Variants in CCDC196 observed in about 807,000 individuals in gnomAD.
CCDC196 encodes the protein coiled-coil domain containing 196, also known as coiled-coil domain-containing protein 196.
intron 8 of CCDC196, among the ~76,000 whole-genome samples, chr14:66,497,211 G>T (rs2139618974): frequency 6.6e-6 from 1 of 152,260 alleles, no homozygotes; most frequent in Non-Finnish European, 1.5e-5. Context: ...GAATGTCAAA[G>T]TTAGGTTTAT....
At chr14:66,489,172 A>C in intron 4 of CCDC196, 135 bp downstream of exon 4, 1 of 407,932 alleles carries the variant, frequency 2.5e-6, no homozygotes, top group Non-Finnish European at 4.5e-6. Flanking sequence ...CATTCTCTAC[A>C]CAGCAGCCAA....
At chr14:66,491,542 G>A (rs1349029586) in intron 6 of CCDC196, 84 bp from the exon 7 acceptor site, 9 of 412,618 alleles carry the variant, frequency 2.2e-5, no homozygotes, top group African/African-American at 1.9e-4. Flanking sequence ...CTATAATTTT[G>A]CTATAAGGCT....
chr14:66,490,545 T>A (rs2139589806), intron 4 of CCDC196, among the ~76,000 whole-genome samples, 197 bp from the exon 5 acceptor site: 1 of 152,270 alleles, frequency 6.6e-6, no homozygotes, highest in African/African-American at 2.4e-5. Flanking sequence ...TAGTTTTCAT[T>A]CCTATAAGGT....
chr14:66,493,712 A>C (rs189459121), intron 8 of CCDC196: 1 of 152,318 alleles, frequency 6.6e-6, no homozygotes, highest in African/African-American at 2.4e-5. Context: ...GTAAGACTGA[A>C]CTGACTATCC....
At chr14:66,487,706 C>T (rs1032728328) in intron 2 of CCDC196, among the ~76,000 whole-genome samples, 2 of 152,108 alleles carry the variant, frequency 1.3e-5, no homozygotes, top group Admixed American at 6.6e-5. Flanking sequence ...CCAATAGACT[C>T]AAATGTCCTC....
At chr14:66,492,586 T>G (rs2057568405) in intron 8 of CCDC196, among the ~76,000 whole-genome samples, 1 of 152,038 alleles carries the variant, frequency 6.6e-6, no homozygotes, top group Non-Finnish European at 1.5e-5. Flanking sequence ...GTGATCCACC[T>G]GCCTTGGCCT....
chr14:66,494,091 T>A (rs1033432828), intron 8 of CCDC196: 1 of 152,242 alleles, frequency 6.6e-6, no homozygotes, highest in African/African-American at 2.4e-5. Flanking sequence ...CAGCCACAGA[T>A]CCACATCTTC....
intron 6 of CCDC196, among the ~76,000 whole-genome samples, 177 bp downstream of exon 6, chr14:66,491,281 T>A (rs1412694028): frequency 6.6e-6 from 1 of 152,170 alleles, no homozygotes; most frequent in African/African-American, 2.4e-5. Context: ...TTCTGGGAAA[T>A]CATATTACGA....
rs2057718090 is a variant in CCDC196, at chr14:66,498,483, C to T, written c.*11C>T. On this transcript the variant is annotated 3_prime_UTR_variant, in exon 10 of 10. Transcript: ENST00000636229. ...GCACTGAAGAATTAGCAGGCTTTCG[C>T]TCCATTTGCTTTGGACAGATTTAAA... 2.4e-6 allele frequency: 1 copy of T among 413,214 alleles called. No individual in the cohort carries two copies. Among genetic ancestry groups the T allele is most frequent in the Admixed American group, 4.4e-5 (1 of 22,722 alleles). 25.6% of individuals were successfully genotyped at this position (413,214 alleles called of 1,614,324 possible).
intron 8 of CCDC196, among the ~76,000 whole-genome samples, chr14:66,492,496 C>G (rs962563204): frequency 1.3e-5 from 2 of 152,050 alleles, no homozygotes; most frequent in African/African-American, 4.8e-5. Flanking sequence ...CACGCACCAC[C>G]ATGCCCAGCT....
chr14:66,493,844 A>C (rs909867787), intron 8 of CCDC196: 3 of 152,218 alleles, frequency 2.0e-5, no homozygotes, highest in Admixed American at 1.3e-4. Flanking sequence ...TAAGATACAA[A>C]TTTAAAAGAC....
rs766864207 is a variant in CCDC196 at position 66,486,658 on chromosome 14, A to T, written c.52A>T (p.Ser18Cys). 2.4e-6 allele frequency: 1 copy of T among 413,500 alleles called. No homozygotes were observed. The highest frequency in any genetic ancestry group is 4.4e-6 in the Non-Finnish European group (1 of 226,134). 25.6% of individuals were successfully genotyped at this position (413,500 alleles called of 1,614,324 possible). ...ATATTATTGTGCCTCTTCCCACAGA[A>T]GTTCTAAAATAGATGACAACTACTT... ...SGSYLPSEIR[S>C]SKIDDNYLKE... The change falls in exon 2 of 10, where the codon AGT (serine) becomes TGT (cysteine). Residue 18 changes from serine (S) to cysteine (C), a missense_variant and splice_region_variant. By Grantham distance (112) the Ser-to-Cys change is moderately radical. Coordinates refer to ENST00000636229, the MANE Select transcript of CCDC196 (RefSeq NM_001351576.1).
intron 8 of CCDC196, chr14:66,496,149 T>A: frequency 2.6e-6 from 1 of 377,886 alleles, no homozygotes; most frequent in East Asian, 7.3e-5. Context: ...AAGAATTGAA[T>A]TGCACAAACC....
intron 9 of CCDC196, 41 bp from the exon 10 acceptor site, chr14:66,498,312 A>G (rs929640012): frequency 7.3e-5 from 30 of 412,342 alleles, no homozygotes; most frequent in Non-Finnish European, 1.2e-4. Context: ...AGGGTACTCA[A>G]TATTTTAGCT....
intron 8 of CCDC196, among the ~76,000 whole-genome samples, chr14:66,495,326 T>G (rs1037519431): frequency 7.9e-5 from 12 of 152,186 alleles, no homozygotes; most frequent in African/African-American, 2.9e-4. Flanking sequence ...AAAAGTCATT[T>G]AATTTCAGGT....
At chr14:66,497,449 T>A (rs2057692274) in intron 8 of CCDC196, among the ~76,000 whole-genome samples, 1 of 152,206 alleles carries the variant, frequency 6.6e-6, no homozygotes, top group South Asian at 2.1e-4. Flanking sequence ...TCTAGGAAAA[T>A]GTTATCATAT....
At chr14:66,487,211 C>G (rs568464242) in intron 2 of CCDC196, among the ~76,000 whole-genome samples, 92 of 152,286 alleles carry the variant, frequency 6.0e-4, no homozygotes, top group Non-Finnish European at 1.2e-3. Flanking sequence ...TAGGAGCCCT[C>G]TGAATTAGGG....
chr14:66,489,123 G>A, intron 4 of CCDC196, 86 bp downstream of exon 4: 2 of 412,098 alleles, frequency 4.9e-6, no homozygotes, highest in Non-Finnish European at 8.9e-6. Context: ...CATCCTCATT[G>A]TTTCATGTCC....
chr14:66,491,910 A>G (rs1566714541), intron 7 of CCDC196, 143 bp from the exon 8 acceptor site: 2 of 405,838 alleles, frequency 4.9e-6, no homozygotes, highest in East Asian at 7.1e-5. Context: ...AATGGGGAAA[A>G]ATCACAAATA....
Sources: gnomAD v4.1 joint callset for allele counts (sites outside exome capture counted in the v4.1 genomes callset) on GRCh38, gnomAD v4.1.1 for gene constraint, MANE v1.5 for transcripts, NCBI Gene and HGNC (gene_info 2026-07-23, HGNC 2026-07-21) for gene names.